CNOT6: variants seen among roughly 807,000 people sequenced by gnomAD.
CNOT6 encodes the protein carbon catabolite repression 4 protein.
CNOT6 carries 12 observed loss-of-function variants against 61.2 expected under a neutral mutation model. That is an observed-to-expected ratio of 0.20 (90% CI 0.13 to 0.32). The LOEUF is 0.32. CNOT6 is among the 10% of genes least tolerant of loss of function. The probability of loss-of-function intolerance (pLI) is 1.00; values close to 1 mark genes in which losing one functional copy is unlikely to be tolerated. For missense variants in CNOT6, 405 were observed against 663.9 expected, an observed-to-expected ratio of 0.61 and a Z score of 4.28; for synonymous variants, 225 against 240.6, an observed-to-expected ratio of 0.94 and a Z score of 0.60.
At position 180,541,440 on chromosome 5, in the gene CNOT6, AATTT is replaced by A. The variant is rs1230401600; in HGVS notation, c.113-8490_113-8487del. Among the ~76,000 whole-genome samples the A allele has an allele frequency of 7.9e-4, 81 of 102,990 alleles. 4 individuals are homozygous for A. The highest frequency in any genetic ancestry group is 1.1e-3 in the African/African-American group (30 of 27,438). The allele number at this position is 102,990 out of a possible 152,430, so 67.6% of individuals were successfully genotyped here. A position where few individuals can be genotyped will look rare whatever the true frequency, so the allele number is the denominator to read the frequency against. On this transcript the variant is annotated intron_variant, in intron 2 of 11. Coordinates refer to ENST00000261951, the MANE Select transcript of CNOT6 (RefSeq NM_001370472.1). ...CATGAACCACCACAACTGGCCAAGA[AATTT>A]TTTTTTTTTTTTTTTTTTTTTTTTT...
chr5:180,555,897 T>C (rs1759861185), intron 4 of CNOT6, among the ~76,000 whole-genome samples: 1 of 152,216 alleles, frequency 6.6e-6, no homozygotes, highest in African/African-American at 2.4e-5. Context: ...GCTTCACTTT[T>C]TCCCCCCACA....
intron 2 of CNOT6, among the ~76,000 whole-genome samples, chr5:180,545,908 A>C (rs1354837628): frequency 6.6e-6 from 1 of 152,104 alleles, no homozygotes. Flanking sequence ...GCATTTCCCT[A>C]ATGACTCCCA....
At chr5:180,531,011 C>T (rs1450461591) in intron 2 of CNOT6, among the ~76,000 whole-genome samples, 1 of 152,250 alleles carries the variant, frequency 6.6e-6, no homozygotes, top group African/African-American at 2.4e-5. Flanking sequence ...TTCTTTTCCC[C>T]ACATTTCCCC....
intron 1 of CNOT6, among the ~76,000 whole-genome samples, chr5:180,507,057 T>C (rs1757161933): frequency 6.6e-6 from 1 of 152,176 alleles, no homozygotes; most frequent in Non-Finnish European, 1.5e-5. Flanking sequence ...AGGAAGGTTG[T>C]AATGCATGTT....
At chr5:180,518,065 C>CT (rs1183445274) in intron 1 of CNOT6, among the ~76,000 whole-genome samples, 33 of 152,232 alleles carry the variant, frequency 2.2e-4, no homozygotes, top group South Asian at 1.9e-3. Context: ...ATTGCCAGCT[C>CT]TTTTTTTGCA....
intron 1 of CNOT6, among the ~76,000 whole-genome samples, chr5:180,525,622 G>C (rs1758065904): frequency 6.6e-6 from 1 of 151,962 alleles, no homozygotes; most frequent in African/African-American, 2.4e-5. Context: ...CTTTTAATCA[G>C]ACTCATTTAA....
chr5:180,559,456 A>G (rs919980842), intron 4 of CNOT6, among the ~76,000 whole-genome samples: 3 of 152,168 alleles, frequency 2.0e-5, no homozygotes, highest in African/African-American at 7.2e-5. Context: ...TTTGCATTAT[A>G]TATCTCTTGC....
chr5:180,516,890 G>T (rs1427344347), intron 1 of CNOT6, among the ~76,000 whole-genome samples: 2 of 152,178 alleles, frequency 1.3e-5, no homozygotes, highest in Admixed American at 1.3e-4. Flanking sequence ...CATTTGGCCA[G>T]TTCCTCTAGT....
In CNOT6 at chr5:180,577,481, G is replaced by C. The variant is rs1761061521; in HGVS notation, c.*3281G>C. On this transcript the variant is annotated 3_prime_UTR_variant, in exon 12 of 12. Transcript: ENST00000261951. ...AAACAATGACAGCACCGTTTTTTCA[G>C]TGAAGCTCTCAGAATGTCCAGTACA... 6.6e-6 allele frequency: 1 copy of C among 152,508 alleles called. No individual in the cohort carries two copies. Among genetic ancestry groups the C allele is most frequent in the African/African-American group, 2.4e-5 (1 of 41,402 alleles). The allele number at this position is 152,508 out of a possible 1,614,324, so 9.4% of individuals were successfully genotyped here.
Position 180,537,804 on chromosome 5 carries a change from C to CTTT in CNOT6, c.112+8428_112+8430dup, listed in dbSNP as rs11407875. ...GTTAGATTTATTCCTCTTTCTCTCT[C>CTTT]TTTTTTTTTTTTTTGGTGTAAATGG... is the stretch of plus-strand genomic sequence containing the variant. On this transcript the variant is annotated intron_variant, in intron 2 of 11. Coordinates refer to ENST00000261951, the MANE Select transcript of CNOT6 (RefSeq NM_001370472.1). 4.1e-3 allele frequency among the ~76,000 whole-genome samples: 579 copies of CTTT among 141,932 alleles called. 3 individuals carry two copies. The highest frequency in any genetic ancestry group is 0.014 in the African/African-American group (543 of 38,480). 93.1% of individuals were successfully genotyped at this position (141,932 alleles called of 152,430 possible).
At chr5:180,510,941 A>T (rs1490707664) in intron 1 of CNOT6, among the ~76,000 whole-genome samples, 1 of 152,000 alleles carries the variant, frequency 6.6e-6, no homozygotes, top group East Asian at 1.9e-4. Context: ...AGTAGCTGGG[A>T]CTACAGGCAC....
rs1268942259 is a variant in CNOT6 at position 180,578,337 on chromosome 5, T to A, written c.*4137T>A. 3 of 152,620 alleles carry A rather than the reference T, an allele frequency of 2.0e-5. No homozygotes were observed. The highest frequency in any genetic ancestry group is 6.5e-5 in the Admixed American group (1 of 15,282). The allele number at this position is 152,620 out of a possible 1,614,324, so 9.5% of individuals were successfully genotyped here. A position where few individuals can be genotyped will look rare whatever the true frequency, so the allele number is the denominator to read the frequency against. ...AGGAGGTTGACATATTTTAAATAAA[T>A]GCTTTTAAATACAGTAGCAAACATT... is the stretch of plus-strand genomic sequence containing the variant. On this transcript the variant is annotated 3_prime_UTR_variant, in exon 12 of 12. Coordinates refer to ENST00000261951, the MANE Select transcript of CNOT6 (RefSeq NM_001370472.1).
rs530418723 is a variant in CNOT6 at position 180,494,458 on chromosome 5, C to T, written c.-308C>T. Reference sequence around the variant, plus strand: ...GGCGCGGAGGAGGAGGCGGCGGCGTCGGTGGCGGCGGCGACGGCGGCGCGG... The same window carrying T: ...GGCGCGGAGGAGGAGGCGGCGGCGTTGGTGGCGGCGGCGACGGCGGCGCGG... On this transcript the variant is annotated 5_prime_UTR_variant, in exon 1 of 12. Transcript: ENST00000261951. 1.1e-3 allele frequency: 167 copies of T among 155,354 alleles called. 1 individual carries two copies. Among genetic ancestry groups the T allele is most frequent in the African/African-American group, 3.9e-3 (160 of 41,160 alleles). The allele number at this position is 155,354 out of a possible 1,614,324, so 9.6% of individuals were successfully genotyped here. A position where few individuals can be genotyped will look rare whatever the true frequency, so the allele number is the denominator to read the frequency against.
At chr5:180,535,258 A>G (rs976276148) in intron 2 of CNOT6, among the ~76,000 whole-genome samples, 4 of 152,210 alleles carry the variant, frequency 2.6e-5, no homozygotes, top group Admixed American at 2.0e-4. Flanking sequence ...CTTTTAGTGT[A>G]CTCATTGCCC....
chr5:180,547,475 G>A (rs1355514536), intron 2 of CNOT6, among the ~76,000 whole-genome samples: 5 of 151,922 alleles, frequency 3.3e-5, no homozygotes, highest in Admixed American at 6.6e-5. Context: ...AGCTGAGATC[G>A]CGCCACTGCA....
At chr5:180,569,026 T>C in intron 9 of CNOT6, 84 bp from the exon 10 acceptor site, 1 of 958,052 alleles carries the variant, frequency 1.0e-6, no homozygotes, top group Admixed American at 2.6e-5. Flanking sequence ...CTCTGAGAGA[T>C]TATTTGCTTT....
chr5:180,539,663 T>C (rs13178018), intron 2 of CNOT6, among the ~76,000 whole-genome samples: 24,287 of 131,414 alleles, frequency 0.18, 2,172 homozygotes, highest in Non-Finnish European at 0.2. Context: ...GATCTCGGCT[T>C]ACTGCAAGCT....
chr5:180,548,265 C>T (rs1156478459), intron 2 of CNOT6, among the ~76,000 whole-genome samples: 2 of 152,190 alleles, frequency 1.3e-5, no homozygotes, highest in Admixed American at 1.3e-4. Context: ...GCAGTCCTTC[C>T]TCTGACATTT....
intron 2 of CNOT6, among the ~76,000 whole-genome samples, chr5:180,544,831 C>T (rs12055052): frequency 0.18 from 26,652 of 152,098 alleles, 2,431 homozygotes; most frequent in Non-Finnish European, 0.19. Flanking sequence ...CAGTGGCTCA[C>T]GCCTGTAGTT....
Sources: gnomAD v4.1 joint callset for allele counts (sites outside exome capture counted in the v4.1 genomes callset) on GRCh38, gnomAD v4.1.1 for gene constraint, MANE v1.5 for transcripts, NCBI Gene and HGNC (gene_info 2026-07-23, HGNC 2026-07-21) for gene names.